The following CAMKMT variants were observed in gnomAD, a reference collection of about 807,000 sequenced individuals.
CAMKMT encodes the protein CaM KMT.
Under a neutral mutation model 48.0 loss-of-function variants are expected in CAMKMT, and 53 were observed. That is an observed-to-expected ratio of 1.10 (90% CI 0.89 to 1.39). The LOEUF (loss-of-function observed/expected upper bound fraction) is 1.39. Among genes scored for constraint, CAMKMT ranks in the 40% most tolerant of loss-of-function variants. CAMKMT has a pLI of 0.00. For synonymous variants in CAMKMT, 165 were observed against 152.3 expected (o/e 1.08, Z -0.61); for missense variants, 428 against 402.7 (o/e 1.06, Z -0.54).
At chr2:44,372,660 C>T in intron 1 of CAMKMT, 56 bp from the exon 2 acceptor site, 1 of 1,527,072 alleles carries the variant, frequency 6.5e-7, no homozygotes. Flanking sequence ...ATTTTGAACA[C>T]TAAACTTACT....
intron 6 of CAMKMT, among the ~76,000 whole-genome samples, chr2:44,708,825 G>T (rs959236422): frequency 2.0e-5 from 3 of 152,030 alleles, no homozygotes; most frequent in Non-Finnish European, 4.4e-5. Context: ...TAGAGGGTGG[G>T]GGGAGCAGGA....
chr2:44,762,466 C>T (rs1035604427), intron 9 of CAMKMT, among the ~76,000 whole-genome samples: 2 of 152,158 alleles, frequency 1.3e-5, no homozygotes, highest in African/African-American at 4.8e-5. Context: ...TCCCCTAATG[C>T]ATTTTATTGG....
At chr2:44,441,808 GAACC>G (rs1666680521) in intron 3 of CAMKMT, among the ~76,000 whole-genome samples, 2 of 152,098 alleles carry the variant, frequency 1.3e-5, no homozygotes, top group Admixed American at 1.3e-4. Context: ...TATTTATAAG[GAACC>G]ACAGTTTTCT....
intron 3 of CAMKMT, among the ~76,000 whole-genome samples, chr2:44,605,175 G>A (rs1671215112): frequency 6.6e-6 from 1 of 152,094 alleles, no homozygotes; most frequent in Admixed American, 6.5e-5. Flanking sequence ...GGATGAAGAA[G>A]CCGTAAATAA....
chr2:44,663,855 A>G (rs965601743), intron 3 of CAMKMT, among the ~76,000 whole-genome samples: 1 of 152,194 alleles, frequency 6.6e-6, no homozygotes, highest in Non-Finnish European at 1.5e-5. Flanking sequence ...GCAAACCACA[A>G]ATAGTCTTGC....
At chr2:44,465,316 G>A (rs1668054441) in intron 3 of CAMKMT, among the ~76,000 whole-genome samples, 1 of 152,076 alleles carries the variant, frequency 6.6e-6, no homozygotes, top group African/African-American at 2.4e-5. Context: ...CAATGAAACA[G>A]GCTGGACGCA....
In CAMKMT at chr2:44,478,091, A is replaced by G. The variant is rs192042733; in HGVS notation, c.376+87786A>G. Among the ~76,000 whole-genome samples, 520 of 152,348 alleles carry G rather than the reference A, an allele frequency of 3.4e-3. 3 individuals are homozygous for G. The highest frequency in any genetic ancestry group is 0.012 in the African/African-American group (496 of 41,590). On this transcript the variant is annotated intron_variant, in intron 3 of 10. Coordinates refer to ENST00000378494, the MANE Select transcript of CAMKMT (RefSeq NM_024766.5). ...ATTAAATATTTTCTAGGAATCTGTG[A>G]TTTTGTGACCAAAGATCTGAATATA...
At chr2:44,706,477 C>T (rs1677568220) in intron 5 of CAMKMT, 136 bp downstream of exon 5, 2 of 741,868 alleles carry the variant, frequency 2.7e-6, no homozygotes, top group Non-Finnish European at 4.7e-6. Flanking sequence ...GAGAGACCTT[C>T]TAGATTGACT....
At chr2:44,453,636 A>T (rs904217429) in intron 3 of CAMKMT, among the ~76,000 whole-genome samples, 1 of 152,106 alleles carries the variant, frequency 6.6e-6, no homozygotes, top group African/African-American at 2.4e-5. Flanking sequence ...GCAAATTTGT[A>T]TCATGTAGTT....
At chr2:44,615,869 G>A (rs542207694) in intron 3 of CAMKMT, among the ~76,000 whole-genome samples, 1 of 152,214 alleles carries the variant, frequency 6.6e-6, no homozygotes, top group South Asian at 2.1e-4. Context: ...AAGACTCCAG[G>A]CAGAGGCACA....
chr2:44,612,666 CCCA>C lies in CAMKMT; in HGVS notation c.377-91613_377-91611del, dbSNP rs1223742981. On this transcript the variant is annotated intron_variant, in intron 3 of 10. Coordinates refer to ENST00000378494, the MANE Select transcript of CAMKMT (RefSeq NM_024766.5). ...AATGGCTTACTTGCATTTGGACCAG[CCCA>C]CCAAAAAATCAACATTGGCCAAATG... is the stretch of plus-strand genomic sequence containing the variant. Among the ~76,000 whole-genome samples, 3 of 152,164 alleles carry C rather than the reference CCCA, an allele frequency of 2.0e-5. No individual in the cohort carries two copies. The East Asian group carries it at 5.8e-4, about 29-fold the overall frequency.
chr2:44,609,949 C>G (rs4953115), intron 3 of CAMKMT, among the ~76,000 whole-genome samples: 97,406 of 152,006 alleles, frequency 0.64, 31,701 homozygotes, highest in Middle Eastern at 0.71. Flanking sequence ...ACTTTCATGA[C>G]AAAGTTGCTG....
intron 9 of CAMKMT, among the ~76,000 whole-genome samples, chr2:44,755,891 G>A (rs1192232550): frequency 6.6e-6 from 1 of 152,166 alleles, no homozygotes; most frequent in East Asian, 1.9e-4. Flanking sequence ...GAGGAACAGG[G>A]AGGCCAAGTC....
At chr2:44,517,041 CT>C (rs1309365446) in intron 3 of CAMKMT, among the ~76,000 whole-genome samples, 12 of 152,082 alleles carry the variant, frequency 7.9e-5, no homozygotes, top group African/African-American at 2.9e-4. Flanking sequence ...CCTGCCCGGC[CT>C]TGTGGTTTTG....
chr2:44,555,382 C>T (rs996206102), intron 3 of CAMKMT, among the ~76,000 whole-genome samples: 5 of 152,130 alleles, frequency 3.3e-5, no homozygotes, highest in Admixed American at 6.5e-5. Context: ...ACACATCTGA[C>T]GGTTTCTGGC....
At chr2:44,648,166 A>G (rs911324002) in intron 3 of CAMKMT, among the ~76,000 whole-genome samples, 1 of 152,072 alleles carries the variant, frequency 6.6e-6, no homozygotes, top group African/African-American at 2.4e-5. Context: ...TGTATAGTAT[A>G]ATGCCATGTA....
At chr2:44,462,437 T>C (rs1298640579) in intron 3 of CAMKMT, among the ~76,000 whole-genome samples, 3 of 152,102 alleles carry the variant, frequency 2.0e-5, no homozygotes, top group African/African-American at 7.2e-5. Context: ...ACTTGGAAAT[T>C]TTTTTTCATG....
At chr2:44,518,945 C>G (rs746835131) in intron 3 of CAMKMT, among the ~76,000 whole-genome samples, 1 of 152,116 alleles carries the variant, frequency 6.6e-6, no homozygotes, top group African/African-American at 2.4e-5. Context: ...CAGTATATAC[C>G]TACCATAATG....
chr2:44,456,464 A>G (rs908733108), intron 3 of CAMKMT: 2 of 1,388,296 alleles, frequency 1.4e-6, no homozygotes, highest in African/African-American at 1.5e-5. Flanking sequence ...TATTATATAA[A>G]TATGTACATT....
Sources: gnomAD v4.1 joint callset for allele counts (sites outside exome capture counted in the v4.1 genomes callset) on GRCh38, gnomAD v4.1.1 for gene constraint, MANE v1.5 for transcripts, NCBI Gene and HGNC (gene_info 2026-07-23, HGNC 2026-07-21) for gene names.